PPFIA2: variants seen among roughly 807,000 people sequenced by gnomAD.
PPFIA2 encodes PPFI scaffold protein A2, also known as liprin-alpha-2.
Under a neutral mutation model 175.5 loss-of-function variants are expected in PPFIA2, and 46 were observed. That is an observed-to-expected ratio of 0.26 (90% CI 0.21 to 0.34). PPFIA2 has a LOEUF of 0.34. Among genes scored for constraint, PPFIA2 ranks in the 10% least tolerant of loss-of-function variants. The pLI is 1.00. For synonymous variants in PPFIA2, 568 were observed against 511.4 expected (o/e 1.11, Z -1.49); for missense variants, 1,179 against 1,506.1 (o/e 0.78, Z 3.60).
intron 4 of PPFIA2, among the ~76,000 whole-genome samples, chr12:81,656,323 G>A (rs1464345856): frequency 6.6e-6 from 1 of 152,058 alleles, no homozygotes; most frequent in Non-Finnish European, 1.5e-5. Context: ...TTGTTTAAAA[G>A]TTAGAATGAT....
chr12:81,439,185 C>CTA (rs1381426622), intron 7 of PPFIA2, among the ~76,000 whole-genome samples: 2,094 of 145,012 alleles, frequency 0.014, 21 homozygotes, highest in Non-Finnish European at 0.018. Context: ...CTCTCTCTCT[C>CTA]TATATATATA....
intron 3 of PPFIA2, among the ~76,000 whole-genome samples, chr12:81,723,061 T>TTA (rs2079558484): frequency 1.3e-5 from 2 of 151,064 alleles, no homozygotes; most frequent in Non-Finnish European, 3.0e-5. Context: ...TAGCTTCAAT[T>TTA]TAAAGTCTAA....
At chr12:81,488,300 G>A (rs2059059684) in intron 4 of PPFIA2, among the ~76,000 whole-genome samples, 1 of 151,610 alleles carries the variant, frequency 6.6e-6, no homozygotes, top group Non-Finnish European at 1.5e-5. Flanking sequence ...GTTCTCATCT[G>A]TTTCCTCTCT....
At chr12:81,755,861 C>T (rs1009089694) in intron 2 of PPFIA2, among the ~76,000 whole-genome samples, 1 of 152,114 alleles carries the variant, frequency 6.6e-6, no homozygotes, top group Non-Finnish European at 1.5e-5. Context: ...AATATAAGCA[C>T]ATACACCCTG....
rs558651552 is a variant in PPFIA2, at chr12:81,707,247, G to C, written c.250-30403C>G. 2.0e-3 allele frequency among the ~76,000 whole-genome samples: 311 copies of C among 151,866 alleles called. 2 individuals are homozygous for C. The highest frequency in any genetic ancestry group is 7.2e-3 in the African/African-American group (300 of 41,430). On this transcript the variant is annotated intron_variant, in intron 3 of 32. Coordinates refer to ENST00000549396, the MANE Select transcript of PPFIA2 (RefSeq NM_003625.5). ...GAGTGAACAGGCAACCCACAAAATG[G>C]GAGAAAATTTTCACAACCTACTCAT...
chr12:81,270,815 C>T (rs2038875724), intron 28 of PPFIA2: 1 of 152,164 alleles, frequency 6.6e-6, no homozygotes. Flanking sequence ...ATCAGTAACA[C>T]CCATTATGAA....
rs182605227 is a variant in PPFIA2, at chr12:81,474,452, C to A, written c.304-16586G>T. ...GATTACAGGCATGCACCACCACACC[C>A]AGCTAATTTTTGTATTTTTAGTAGA... On this transcript the variant is annotated intron_variant, in intron 4 of 32. Transcript: ENST00000549396. Among the ~76,000 whole-genome samples, 189 of 152,256 alleles carry A rather than the reference C, an allele frequency of 1.2e-3. 3 individuals carry two copies. The highest frequency in any genetic ancestry group is 1.0e-4 in the Non-Finnish European group (7 of 68,022).
chr12:81,418,450 A>G (rs917146426), intron 7 of PPFIA2, among the ~76,000 whole-genome samples: 1 of 151,932 alleles, frequency 6.6e-6, no homozygotes, highest in Non-Finnish European at 1.5e-5. Flanking sequence ...ACATTTTTGA[A>G]TAGTTGAAAA....
At chr12:81,467,742 A>T (rs1293532341) in intron 4 of PPFIA2, among the ~76,000 whole-genome samples, 1 of 152,142 alleles carries the variant, frequency 6.6e-6, no homozygotes, top group Non-Finnish European at 1.5e-5. Flanking sequence ...AGTATAAAAC[A>T]TATTTGAGAA....
intron 28 of PPFIA2, among the ~76,000 whole-genome samples, chr12:81,273,890 C>T (rs182915318): frequency 5.3e-5 from 8 of 151,716 alleles, no homozygotes; most frequent in Non-Finnish European, 1.0e-4. Flanking sequence ...CCCGCCCCCC[C>T]CCAAACCGGT....
intron 4 of PPFIA2, among the ~76,000 whole-genome samples, chr12:81,483,909 C>T (rs553874372): frequency 6.6e-6 from 1 of 151,978 alleles, no homozygotes; most frequent in South Asian, 2.1e-4. Context: ...TCACCCTTCT[C>T]CCCCCTCCCT....
intron 4 of PPFIA2, among the ~76,000 whole-genome samples, chr12:81,601,954 T>C (rs75405225): frequency 0.011 from 1,735 of 152,038 alleles, 31 homozygotes; most frequent in African/African-American, 0.04. Flanking sequence ...TGAAATTTTA[T>C]ACCATCCCTT....
intron 7 of PPFIA2, among the ~76,000 whole-genome samples, chr12:81,419,246 C>T (rs1201365200): frequency 6.6e-6 from 1 of 151,840 alleles, no homozygotes; most frequent in Non-Finnish European, 1.5e-5. Context: ...TGAAATTAAA[C>T]CAGTTGCTCA....
rs936920299 is a variant in PPFIA2, at chr12:81,258,852, G to GT, written c.*841dup. 8 of 151,054 alleles carry GT rather than the reference G, an allele frequency of 5.3e-5. No homozygotes were observed. The highest frequency in any genetic ancestry group is 1.3e-4 in the Admixed American group (2 of 15,174). 9.4% of individuals were successfully genotyped at this position (151,054 alleles called of 1,614,324 possible). On this transcript the variant is annotated 3_prime_UTR_variant, in exon 33 of 33. Transcript: ENST00000549396. ...TGAACATGTGGTTCTTAGTAAAGAA[G>GT]TTTTTTTATCTTTTTTTTTTTCTTG...
intron 4 of PPFIA2, among the ~76,000 whole-genome samples, chr12:81,559,562 A>G (rs2069551626): frequency 6.6e-6 from 1 of 152,176 alleles, no homozygotes; most frequent in African/African-American, 2.4e-5. Context: ...TAAAAATTAT[A>G]CCCTTATAAT....
At chr12:81,398,631 G>C (rs1422408913) in intron 8 of PPFIA2, among the ~76,000 whole-genome samples, 1 of 151,980 alleles carries the variant, frequency 6.6e-6, no homozygotes, top group African/African-American at 2.4e-5. Context: ...ACTTTATGCT[G>C]GTTACTTATC....
intron 4 of PPFIA2, among the ~76,000 whole-genome samples, chr12:81,540,155 G>C (rs931340147): frequency 6.6e-6 from 1 of 151,944 alleles, no homozygotes; most frequent in African/African-American, 2.4e-5. Flanking sequence ...ACCAACTCCT[G>C]TTCTCTTGCC....
chr12:81,414,051 A>G (rs936118759), intron 7 of PPFIA2, among the ~76,000 whole-genome samples: 1 of 151,742 alleles, frequency 6.6e-6, no homozygotes, highest in African/African-American at 2.4e-5. Context: ...TAAATTTGGT[A>G]TTTTTATTTT....
intron 16 of PPFIA2, among the ~76,000 whole-genome samples, chr12:81,356,311 A>G (rs1192142251): frequency 1.3e-5 from 2 of 152,148 alleles, no homozygotes; most frequent in African/African-American, 2.4e-5. Flanking sequence ...AGTGACATCA[A>G]AGATCACTGT....
Sources: allele counts gnomAD v4.1 joint callset (sites outside exome capture counted in the v4.1 genomes callset), GRCh38; gene constraint gnomAD v4.1.1; transcripts MANE v1.5; gene names NCBI Gene and HGNC (gene_info 2026-07-23, HGNC 2026-07-21).